The following EXOC4 variants were observed in gnomAD, a reference collection of about 807,000 sequenced individuals.
EXOC4 encodes SEC8-like 1.
In EXOC4, 71 loss-of-function variants were observed where a neutral mutation model predicts 107.2. The ratio of observed to expected loss-of-function variants is 0.66; its 90% CI spans 0.55 to 0.81. The LOEUF (loss-of-function observed/expected upper bound fraction) is 0.81, where lower values mean the gene tolerates loss of function less well. EXOC4 is among the 30% of genes least tolerant of loss of function. The probability of loss-of-function intolerance (pLI) is 0.00; values close to 1 mark genes in which losing one functional copy is unlikely to be tolerated. For missense variants in EXOC4, 1,108 were observed against 1,189.6 expected (o/e 0.93, Z 1.01); for synonymous variants, 456 against 441.2 (o/e 1.03, Z -0.42).
chr7:133,681,900 G>A lies in EXOC4; in HGVS notation c.1514+51759G>A, dbSNP rs184712743. ...GATTTATAATATTCCATAATTGGTA[G>A]CCATTATTATTATTATTATTAGAGA... On this transcript the variant is annotated intron_variant, in intron 10 of 17. Coordinates refer to ENST00000253861, the MANE Select transcript of EXOC4 (RefSeq NM_021807.4). 3.1e-3 allele frequency among the ~76,000 whole-genome samples: 466 copies of A among 152,048 alleles called. 4 individuals carry two copies. The highest frequency in any genetic ancestry group is 0.01 in the African/African-American group (430 of 41,484).
At chr7:133,568,177 T>C (rs1800946268) in intron 9 of EXOC4, among the ~76,000 whole-genome samples, 2 of 152,190 alleles carry the variant, frequency 1.3e-5, no homozygotes, top group African/African-American at 2.4e-5. Context: ...TTCTGCAACC[T>C]GTCTCCTCAT....
At chr7:133,649,313 A>G (rs913997366) in intron 10 of EXOC4, among the ~76,000 whole-genome samples, 9 of 151,826 alleles carry the variant, frequency 5.9e-5, no homozygotes, top group Non-Finnish European at 8.8e-5. Flanking sequence ...GCTCTTTATC[A>G]TTGCATTTAG....
At chr7:133,509,426 TAA>T (rs76217297) in intron 9 of EXOC4, among the ~76,000 whole-genome samples, 10 of 142,692 alleles carry the variant, frequency 7.0e-5, no homozygotes, top group Admixed American at 2.1e-4. Flanking sequence ...AGACTCCGTC[TAA>T]AAAAAAAAAA....
intron 9 of EXOC4, among the ~76,000 whole-genome samples, chr7:133,482,886 C>T (rs1157594706): frequency 6.6e-6 from 1 of 152,142 alleles, no homozygotes; most frequent in Non-Finnish European, 1.5e-5. Context: ...CTAAGCCCTC[C>T]TGAGCTTTCC....
chr7:133,598,209 T>A (rs1801727307), intron 9 of EXOC4, among the ~76,000 whole-genome samples: 1 of 152,194 alleles, frequency 6.6e-6, no homozygotes, highest in East Asian at 1.9e-4. Flanking sequence ...GTAGTCTTAA[T>A]TCTGAGAAAA....
intron 10 of EXOC4, among the ~76,000 whole-genome samples, chr7:133,660,942 T>C (rs1467006161): frequency 6.6e-6 from 1 of 152,204 alleles, no homozygotes; most frequent in African/African-American, 2.4e-5. Flanking sequence ...TCATTTGATA[T>C]TTTAAAAAAC....
chr7:133,291,578 C>T (rs1256608154), intron 3 of EXOC4, among the ~76,000 whole-genome samples: 1 of 151,808 alleles, frequency 6.6e-6, no homozygotes, highest in Non-Finnish European at 1.5e-5. Context: ...GATGGGTTTT[C>T]ACCATGTTGG....
At chr7:133,563,352 C>T (rs1174009995) in intron 9 of EXOC4, among the ~76,000 whole-genome samples, 1 of 152,166 alleles carries the variant, frequency 6.6e-6, no homozygotes, top group East Asian at 1.9e-4. Context: ...TGCTCATGAA[C>T]ATCTGTAAAG....
chr7:133,369,844 T>C (rs1463042091), intron 6 of EXOC4, among the ~76,000 whole-genome samples: 2 of 130,908 alleles, frequency 1.5e-5, no homozygotes, highest in South Asian at 2.8e-4. Context: ...TTCGCTCTTA[T>C]TGCCCAGGCT....
intron 12 of EXOC4, among the ~76,000 whole-genome samples, chr7:133,903,460 A>T (rs538108785): frequency 6.6e-6 from 1 of 152,328 alleles, no homozygotes; most frequent in South Asian, 2.1e-4. Flanking sequence ...TTGAAGGACC[A>T]GCCAGCTGAA....
intron 10 of EXOC4, among the ~76,000 whole-genome samples, chr7:133,695,884 T>C (rs1257433542): frequency 6.6e-6 from 1 of 152,208 alleles, no homozygotes; most frequent in African/African-American, 2.4e-5. Context: ...ACCATCCAAA[T>C]TCATTTGTTA....
intron 15 of EXOC4, among the ~76,000 whole-genome samples, chr7:134,002,915 T>G (rs546209827): frequency 6.6e-6 from 1 of 152,296 alleles, no homozygotes; most frequent in East Asian, 1.9e-4. Flanking sequence ...AATTGGTAAT[T>G]TCTTACAAAA....
At chr7:133,523,643 A>C (rs997359800) in intron 9 of EXOC4, among the ~76,000 whole-genome samples, 7 of 145,696 alleles carry the variant, frequency 4.8e-5, no homozygotes, top group African/African-American at 1.8e-4. Flanking sequence ...CTTCCTGTGT[A>C]CGTGTGATCT....
intron 9 of EXOC4, among the ~76,000 whole-genome samples, chr7:133,505,893 A>G (rs1183071702): frequency 6.6e-6 from 1 of 152,108 alleles, no homozygotes; most frequent in African/African-American, 2.4e-5. Context: ...CTTAATTGCC[A>G]TTAGCTACTG....
Position 134,064,692 on chromosome 7 carries a change from G to A in EXOC4, c.*164G>A, listed in dbSNP as rs1585366225. 2.0e-6 allele frequency: 1 copy of A among 488,620 alleles called. No homozygotes were observed. Among genetic ancestry groups the A allele is most frequent in the South Asian group, 3.6e-5 (1 of 27,742 alleles). The allele number at this position is 488,620 out of a possible 1,614,324, so 30.3% of individuals were successfully genotyped here. On this transcript the variant is annotated 3_prime_UTR_variant, in exon 18 of 18. Transcript: ENST00000253861. ...TCTGGTTTTGGCTTTTCATATAAAT[G>A]CTAAAGGAAGGCGACAGTACAGAGT...
At chr7:133,427,579 C>T (rs1333308654) in intron 7 of EXOC4, among the ~76,000 whole-genome samples, 2 of 152,162 alleles carry the variant, frequency 1.3e-5, no homozygotes, top group Non-Finnish European at 2.9e-5. Context: ...CTACTCTGCA[C>T]CCTCATTTTT....
chr7:134,016,285 T>G (rs1333582219), intron 17 of EXOC4, among the ~76,000 whole-genome samples: 1 of 152,146 alleles, frequency 6.6e-6, no homozygotes, highest in Non-Finnish European at 1.5e-5. Flanking sequence ...CATGGAGCTA[T>G]TTAAAACCAT....
chr7:133,994,399 G>C (rs1463643809), intron 14 of EXOC4, among the ~76,000 whole-genome samples: 1 of 152,166 alleles, frequency 6.6e-6, no homozygotes, highest in Non-Finnish European at 1.5e-5. Context: ...TACCTAATGC[G>C]TGCGAGGCTT....
chr7:134,002,508 C>T (rs1794552770), intron 15 of EXOC4, among the ~76,000 whole-genome samples: 1 of 152,032 alleles, frequency 6.6e-6, no homozygotes, highest in Non-Finnish European at 1.5e-5. Context: ...TTTTGATAGA[C>T]ATTGTCAAGG....
Sources: allele counts gnomAD v4.1 joint callset (sites outside exome capture counted in the v4.1 genomes callset), GRCh38; gene constraint gnomAD v4.1.1; transcripts MANE v1.5; gene names NCBI Gene and HGNC (gene_info 2026-07-23, HGNC 2026-07-21).